The following IL15 variants were observed in gnomAD, a reference collection of about 807,000 sequenced individuals.
The protein encoded by IL15 is interleukin 15.
In IL15, 11 loss-of-function variants were observed where a neutral mutation model predicts 19.6. The observed-to-expected ratio is 0.56, with a 90% CI of 0.35 to 0.93. The LOEUF (loss-of-function observed/expected upper bound fraction) is 0.93. Ranked by LOEUF, IL15 falls within the 40% of genes least tolerant of loss-of-function variation. The pLI is 0.01. For missense variants in IL15, 197 were observed against 186.5 expected (o/e 1.06, Z -0.33); for synonymous variants, 58 against 59.6 (o/e 0.97, Z 0.12).
intron 2 of IL15, among the ~76,000 whole-genome samples, chr4:141,703,425 T>C (rs1178400996): frequency 6.6e-6 from 1 of 152,202 alleles, no homozygotes; most frequent in Non-Finnish European, 1.5e-5. Flanking sequence ...CCTTGGTTCA[T>C]ACTAGAGACT....
At chr4:141,664,391 A>ACACACACAC (rs1560907796) in intron 2 of IL15, among the ~76,000 whole-genome samples, 1 of 147,534 alleles carries the variant, frequency 6.8e-6, no homozygotes, top group Non-Finnish European at 1.5e-5. Flanking sequence ...ACACACACAC[A>ACACACACAC]AAACCAACAA....
chr4:141,640,758 G>A (rs375669460), intron 1 of IL15, among the ~76,000 whole-genome samples: 8 of 152,252 alleles, frequency 5.3e-5, no homozygotes, highest in East Asian at 1.9e-4. Context: ...TATGTAGACC[G>A]TATAAAAATG....
chr4:141,676,226 C>T (rs866600770), intron 2 of IL15, among the ~76,000 whole-genome samples: 6 of 152,090 alleles, frequency 3.9e-5, no homozygotes, highest in Admixed American at 1.3e-4. Flanking sequence ...TGATCAACAC[C>T]GCCCTCATCT....
intron 2 of IL15, among the ~76,000 whole-genome samples, chr4:141,664,737 A>G (rs1186157151): frequency 1.3e-5 from 2 of 152,234 alleles, no homozygotes; most frequent in Non-Finnish European, 2.9e-5. Context: ...ACAAGAATGA[A>G]TAGAAATGGT....
At chr4:141,639,717 C>G (rs2152148643) in intron 1 of IL15, among the ~76,000 whole-genome samples, 1 of 152,258 alleles carries the variant, frequency 6.6e-6, no homozygotes, top group South Asian at 2.1e-4. Flanking sequence ...GGCAAGAAGC[C>G]ACTTCTTTTG....
At chr4:141,664,428 A>C (rs1228594060) in intron 2 of IL15, among the ~76,000 whole-genome samples, 1 of 151,898 alleles carries the variant, frequency 6.6e-6, no homozygotes, top group Non-Finnish European at 1.5e-5. Context: ...GGAAATTCAA[A>C]AGAATGATAA....
chr4:141,690,119 C>G (rs932431797), intron 2 of IL15, among the ~76,000 whole-genome samples: 1 of 152,184 alleles, frequency 6.6e-6, no homozygotes, highest in African/African-American at 2.4e-5. Flanking sequence ...TCCCTCATTG[C>G]CCGGGGCCAG....
At chr4:141,665,794 A>T (rs1186527083) in intron 2 of IL15, among the ~76,000 whole-genome samples, 3 of 152,164 alleles carry the variant, frequency 2.0e-5, no homozygotes, top group African/African-American at 2.4e-5. Context: ...ACATGGAATG[A>T]TGAATATAAG....
intron 2 of IL15, among the ~76,000 whole-genome samples, chr4:141,684,373 AT>A (rs140766901): frequency 0.02 from 3,066 of 152,076 alleles, 106 homozygotes; most frequent in African/African-American, 0.069. Context: ...TGATGTGTAA[AT>A]TTTTTTTCTC....
chr4:141,684,123 C>T (rs1308465752), intron 2 of IL15, among the ~76,000 whole-genome samples: 8 of 152,282 alleles, frequency 5.3e-5, no homozygotes, highest in Non-Finnish European at 2.9e-5. Context: ...CAACTAATTA[C>T]GACCCAGCCT....
At chr4:141,689,976 C>T (rs1284548051) in intron 2 of IL15, among the ~76,000 whole-genome samples, 1 of 152,224 alleles carries the variant, frequency 6.6e-6, no homozygotes, top group African/African-American at 2.4e-5. Context: ...TCAGGCATGG[C>T]AGGCTGCAGG....
chr4:141,683,554 G>A (rs1168580821), intron 2 of IL15, among the ~76,000 whole-genome samples: 1 of 148,146 alleles, frequency 6.8e-6, no homozygotes, highest in African/African-American at 2.5e-5. Context: ...CTGGGTGACA[G>A]AGTGAGATTC....
rs182332428 is a variant in IL15 at position 141,659,452 on chromosome 4, C to G, written c.-100+3145C>G. Among the ~76,000 whole-genome samples the G allele has an allele frequency of 9.8e-4, 149 of 152,290 alleles. 1 individual carries two copies. Among genetic ancestry groups the G allele is most frequent in the African/African-American group, 3.2e-3 (134 of 41,560 alleles). ...TCCTGACCTTGTGATTTGCCCACCT[C>G]GGCCTCCCGAAGTGCTGAGATTACA... On this transcript the variant is annotated intron_variant, in intron 2 of 7. Coordinates refer to ENST00000320650, the MANE Select transcript of IL15 (RefSeq NM_000585.5).
chr4:141,662,567 T>C lies in IL15; in HGVS notation c.-100+6260T>C, dbSNP rs558566356. Among the ~76,000 whole-genome samples the C allele has an allele frequency of 1.1e-4, 17 of 152,370 alleles. No individual in the cohort carries two copies. The South Asian group carries it at 2.7e-3, about 24-fold the overall frequency. ...CCTGTTTTTGTCTCTGTGTTATGTA[T>C]GTGCATCTCTTGTAAACAGCATGTA... is the stretch of plus-strand genomic sequence containing the variant. On this transcript the variant is annotated intron_variant, in intron 2 of 7. Transcript: ENST00000320650.
At chr4:141,638,708 G>A (rs78794548) in intron 1 of IL15, among the ~76,000 whole-genome samples, 339 of 152,276 alleles carry the variant, frequency 2.2e-3, no homozygotes, top group African/African-American at 7.3e-3. Context: ...GGAAGTGGAA[G>A]GTTTTAAAGC....
chr4:141,731,844 T>C (rs1441734921), intron 7 of IL15, among the ~76,000 whole-genome samples: 1 of 152,188 alleles, frequency 6.6e-6, no homozygotes, highest in African/African-American at 2.4e-5. Flanking sequence ...ACAGCCTTCA[T>C]GGTTCAGATG....
intron 1 of IL15, among the ~76,000 whole-genome samples, chr4:141,643,513 T>C (rs1277823415): frequency 1.3e-5 from 2 of 152,140 alleles, no homozygotes; most frequent in Admixed American, 1.3e-4. Context: ...AGTTATTGGG[T>C]CCCTTCCTAT....
chr4:141,724,105 A>G (rs1394937310), intron 5 of IL15, among the ~76,000 whole-genome samples: 5 of 152,148 alleles, frequency 3.3e-5, no homozygotes, highest in Non-Finnish European at 7.4e-5. Context: ...CAGAACTTAA[A>G]TCATGCAGAA....
rs1170190400 is a variant in IL15, at chr4:141,663,057, AT to A, written c.-100+6751del. Reference sequence around the variant, plus strand: ...ATTAAAAAAGTAACTCATTAAAAAAATAATATCATGATCAAGTAGGGTTCAT... The same window carrying A: ...ATTAAAAAAGTAACTCATTAAAAAAAAATATCATGATCAAGTAGGGTTCAT... On this transcript the variant is annotated intron_variant, in intron 2 of 7. Transcript: ENST00000320650. 2.6e-5 allele frequency among the ~76,000 whole-genome samples: 4 copies of A among 152,326 alleles called. No individual in the cohort carries two copies. The East Asian group carries it at 5.8e-4, about 22-fold the overall frequency.
Sources: allele counts gnomAD v4.1 joint callset (sites outside exome capture counted in the v4.1 genomes callset), GRCh38; gene constraint gnomAD v4.1.1; transcripts MANE v1.5; gene names NCBI Gene and HGNC (gene_info 2026-07-23, HGNC 2026-07-21).